ATP10B: variants seen among roughly 807,000 people sequenced by gnomAD.
ATP10B encodes the protein ATPase phospholipid transporting 10B (putative).
In ATP10B, 122 loss-of-function variants were observed where a neutral mutation model predicts 141.2. That is an observed-to-expected ratio of 0.86 (90% CI 0.75 to 1.00). The LOEUF (loss-of-function observed/expected upper bound fraction) is 1.00. ATP10B is among the 50% of genes least tolerant of loss of function. ATP10B has a pLI of 0.00. For missense variants in ATP10B, 1,876 were observed against 1,825.3 expected (o/e 1.03, Z -0.51); for synonymous variants, 685 against 692.0 (o/e 0.99, Z 0.16).
intron 22 of ATP10B, among the ~76,000 whole-genome samples, chr5:160,595,349 C>A (rs28785899): frequency 0.07 from 10,676 of 151,708 alleles, 709 homozygotes; most frequent in African/African-American, 0.19. Flanking sequence ...CCAATGAGAA[C>A]AAAGACACAA....
intron 13 of ATP10B, among the ~76,000 whole-genome samples, chr5:160,622,914 C>A (rs1758430881): frequency 6.6e-6 from 1 of 151,668 alleles, no homozygotes; most frequent in South Asian, 2.1e-4. Flanking sequence ...TGCCTCTCAC[C>A]TTTTTTTTTC....
At chr5:160,756,622 A>G (rs944285753) in intron 2 of ATP10B, among the ~76,000 whole-genome samples, 1 of 152,024 alleles carries the variant, frequency 6.6e-6, no homozygotes, top group Non-Finnish European at 1.5e-5. Context: ...ATAGACTAAC[A>G]ATGTTGCGCT....
At chr5:160,718,357 C>T (rs1002533914) in intron 2 of ATP10B, among the ~76,000 whole-genome samples, 4 of 152,116 alleles carry the variant, frequency 2.6e-5, no homozygotes, top group Non-Finnish European at 4.4e-5. Context: ...GATTTGGGCC[C>T]CAGTTCTGAA....
chr5:160,644,083 T>G, intron 9 of ATP10B, 55 bp downstream of exon 9: 1 of 1,432,596 alleles, frequency 7.0e-7, no homozygotes, highest in Non-Finnish European at 9.8e-7. Context: ...AAGATGGATT[T>G]GGAGGGGGAA....
chr5:160,804,559 T>G (rs781620391), intron 1 of ATP10B, among the ~76,000 whole-genome samples: 6 of 152,236 alleles, frequency 3.9e-5, no homozygotes, highest in Non-Finnish European at 8.8e-5. Flanking sequence ...ATTAGGATTC[T>G]AACCCAGGTT....
At chr5:160,816,998 T>C (rs1429124353) in intron 1 of ATP10B, among the ~76,000 whole-genome samples, 4 of 152,210 alleles carry the variant, frequency 2.6e-5, no homozygotes, top group African/African-American at 7.2e-5. Context: ...TGAAGGGACG[T>C]ATATCAAAAT....
At chr5:160,602,006 T>C (rs543066594) in intron 21 of ATP10B, among the ~76,000 whole-genome samples, 34 of 152,324 alleles carry the variant, frequency 2.2e-4, no homozygotes, top group African/African-American at 8.2e-4. Flanking sequence ...GCTGGCTCTA[T>C]ATACAGAGGA....
At chr5:160,799,263 G>T (rs187482010) in intron 1 of ATP10B, among the ~76,000 whole-genome samples, 126 of 152,284 alleles carry the variant, frequency 8.3e-4, no homozygotes, top group Non-Finnish European at 1.5e-3. Context: ...ACTGCCCTCT[G>T]AGCAGGGACA....
At chr5:160,850,670 C>T (rs552606248) in intron 1 of ATP10B, among the ~76,000 whole-genome samples, 6 of 152,070 alleles carry the variant, frequency 3.9e-5, no homozygotes, top group South Asian at 2.1e-4. Flanking sequence ...TCGTTTAGCA[C>T]GAGAGGAGTA....
chr5:160,571,763 G>A (rs1754889299), intron 24 of ATP10B, among the ~76,000 whole-genome samples: 1 of 152,184 alleles, frequency 6.6e-6, no homozygotes, highest in South Asian at 2.1e-4. Context: ...ATAGGTGAAA[G>A]TTTGGCTCAC....
chr5:160,838,089 C>G (rs1775572236), intron 1 of ATP10B, among the ~76,000 whole-genome samples: 1 of 152,120 alleles, frequency 6.6e-6, no homozygotes, highest in South Asian at 2.1e-4. Context: ...AATCTGAAAG[C>G]CCCAGGTTGC....
chr5:160,854,739 G>T (rs891877623), upstream of ATP10B, among the ~76,000 whole-genome samples: 1 of 151,994 alleles, frequency 6.6e-6, no homozygotes, highest in Non-Finnish European at 1.5e-5. Context: ...AAGAATCTCC[G>T]CACTGTCTTC....
At chr5:160,755,838 A>AAATATAT (rs1768538195) in intron 2 of ATP10B, among the ~76,000 whole-genome samples, 4 of 45,418 alleles carry the variant, frequency 8.8e-5, no homozygotes, top group African/African-American at 1.5e-4. Flanking sequence ...AAAAAAAAAA[A>AAATATAT]ATATATATAT....
the ATP10B span, among the ~76,000 whole-genome samples, chr5:160,902,747 T>C: frequency 0.51 from 77,004 of 151,786 alleles, 19,815 homozygotes; most frequent in African/African-American, 0.56. Context: ...ATCAGAGGGT[T>C]CAACACATAT....
At chr5:160,856,154 A>C (rs139629936), upstream of ATP10B, among the ~76,000 whole-genome samples, 56 of 152,012 alleles carry the variant, frequency 3.7e-4, no homozygotes, top group African/African-American at 1.3e-3. Context: ...TTCATATACT[A>C]ATTTGGGAAA....
chr5:160,588,332 T>G (rs1756051731), intron 24 of ATP10B, among the ~76,000 whole-genome samples: 1 of 152,148 alleles, frequency 6.6e-6, no homozygotes, highest in African/African-American at 2.4e-5. Flanking sequence ...AAAACTACCT[T>G]TGAGTGGCTC....
chr5:160,684,090 T>C (rs1237889701), intron 6 of ATP10B, among the ~76,000 whole-genome samples: 1 of 152,234 alleles, frequency 6.6e-6, no homozygotes, highest in East Asian at 1.9e-4. Context: ...TATGAGCACT[T>C]ACACAAGTTA....
At chr5:160,724,814 C>T (rs917733580) in intron 2 of ATP10B, among the ~76,000 whole-genome samples, 1 of 152,182 alleles carries the variant, frequency 6.6e-6, no homozygotes, top group Non-Finnish European at 1.5e-5. Flanking sequence ...CTTGACCATC[C>T]TATTTAAAAC....
intron 7 of ATP10B, among the ~76,000 whole-genome samples, chr5:160,651,353 A>G (rs1760719972): frequency 6.6e-6 from 1 of 151,934 alleles, no homozygotes; most frequent in East Asian, 1.9e-4. Context: ...CTTTTAGTCC[A>G]ATGGGGATGA....
Sources: allele counts gnomAD v4.1 joint callset (sites outside exome capture counted in the v4.1 genomes callset), GRCh38; gene constraint gnomAD v4.1.1; transcripts MANE v1.5; gene names NCBI Gene and HGNC (gene_info 2026-07-23, HGNC 2026-07-21).